Variants in SND1 observed in about 807,000 individuals in gnomAD.
SND1 encodes staphylococcal nuclease and tudor domain containing 1.
Under a neutral mutation model 121.7 loss-of-function variants are expected in SND1, and 38 were observed. That is an observed-to-expected ratio of 0.31 (90% CI 0.24 to 0.41). The LOEUF (loss-of-function observed/expected upper bound fraction) is 0.41. Among genes scored for constraint, SND1 ranks in the 10% least tolerant of loss-of-function variants. The probability of loss-of-function intolerance (pLI) is 1.00; values close to 1 mark genes in which losing one functional copy is unlikely to be tolerated. For synonymous variants in SND1, 401 were observed against 447.4 expected, an observed-to-expected ratio of 0.90 and a Z score of 1.31; for missense variants, 868 against 1,184.6, an observed-to-expected ratio of 0.73 and a Z score of 3.92.
intron 15 of SND1, among the ~76,000 whole-genome samples, chr7:127,954,295 C>T (rs2116859879): frequency 6.6e-6 from 1 of 152,298 alleles, no homozygotes; most frequent in African/African-American, 2.4e-5. Context: ...AAGATCTTAT[C>T]TGTGAAAATA....
intron 12 of SND1, among the ~76,000 whole-genome samples, chr7:127,884,006 A>G (rs747650360): frequency 1.1e-4 from 17 of 152,178 alleles, no homozygotes; most frequent in Non-Finnish European, 1.8e-4. Context: ...ACTTTGAACT[A>G]CATAGTTTTC....
At chr7:127,966,217 C>T (rs1305597882) in intron 15 of SND1, among the ~76,000 whole-genome samples, 1 of 151,746 alleles carries the variant, frequency 6.6e-6, no homozygotes, top group African/African-American at 2.4e-5. Context: ...TCCTGAGTGA[C>T]CTACAAAGAG....
rs1421292024 is a variant in SND1 at position 128,089,640 on chromosome 7, A to C, written c.2570A>C (p.Lys857Thr). ...SKGDVGLGLV[K>T]EGLVMVEVRK... ...GGCGATGTGGGGCTGGGCTTGGTGAAGGAAGGGCTGGTCATGGTGGAGGTG... is the reference window on the plus strand; with the variant it reads ...GGCGATGTGGGGCTGGGCTTGGTGACGGAAGGGCTGGTCATGGTGGAGGTG... Residue 857 changes from lysine (K) to threonine (T), a missense_variant, in exon 22 of 24, where the codon AAG becomes ACG. Lys to Thr is a moderately conservative substitution (Grantham distance 78, BLOSUM62 -1). Coordinates refer to ENST00000354725, the MANE Select transcript of SND1 (RefSeq NM_014390.4). The C allele has an allele frequency of 2.5e-6, 4 of 1,614,040 alleles. No homozygotes were observed. In the South Asian group the frequency reaches 4.4e-5, roughly 18 times the overall value.
intron 14 of SND1, among the ~76,000 whole-genome samples, chr7:127,925,029 C>G (rs1417303907): frequency 2.0e-5 from 3 of 152,190 alleles, no homozygotes; most frequent in African/African-American, 7.2e-5. Flanking sequence ...GATATAGATA[C>G]TAACATCCTT....
At chr7:127,748,295 G>T (rs1477239176) in intron 10 of SND1, among the ~76,000 whole-genome samples, 2 of 152,162 alleles carry the variant, frequency 1.3e-5, no homozygotes, top group Non-Finnish European at 1.5e-5. Context: ...CCCAGACTGG[G>T]TCTTTCACTT....
intron 16 of SND1, among the ~76,000 whole-genome samples, chr7:128,040,734 T>C (rs1792840728): frequency 6.6e-6 from 1 of 152,244 alleles, no homozygotes; most frequent in Admixed American, 6.5e-5. Context: ...CTGGGTTTCT[T>C]CTTGTATCTC....
intron 12 of SND1, among the ~76,000 whole-genome samples, chr7:127,886,013 C>T (rs976406652): frequency 2.6e-5 from 4 of 152,086 alleles, no homozygotes; most frequent in South Asian, 2.1e-4. Flanking sequence ...CATGTATCAA[C>T]ATCTACATCT....
intron 3 of SND1, among the ~76,000 whole-genome samples, chr7:127,697,180 C>G (rs1207905312): frequency 1.3e-5 from 2 of 152,208 alleles, no homozygotes; most frequent in African/African-American, 4.8e-5. Flanking sequence ...TGAATACTGT[C>G]TCCAGATGTG....
chr7:127,725,913 C>G (rs1313153065), intron 10 of SND1, among the ~76,000 whole-genome samples: 1 of 152,174 alleles, frequency 6.6e-6, no homozygotes, highest in Non-Finnish European at 1.5e-5. Context: ...ATGGGACTTT[C>G]CCTTCAAGGA....
intron 11 of SND1, among the ~76,000 whole-genome samples, chr7:127,833,561 A>G (rs1211436310): frequency 6.6e-6 from 1 of 152,038 alleles, no homozygotes; most frequent in African/African-American, 2.4e-5. Context: ...CACCACACCC[A>G]GCCTGAACTG....
chr7:128,025,575 C>G (rs975897603), intron 16 of SND1, among the ~76,000 whole-genome samples: 1 of 152,208 alleles, frequency 6.6e-6, no homozygotes, highest in Non-Finnish European at 1.5e-5. Flanking sequence ...AAACCTTGGC[C>G]TGGCCAAGGA....
chr7:127,891,896 A>T (rs572512904), intron 13 of SND1, among the ~76,000 whole-genome samples: 2 of 152,290 alleles, frequency 1.3e-5, no homozygotes, highest in East Asian at 3.9e-4. Flanking sequence ...GCAAAAGCCA[A>T]ATTCATAACA....
At chr7:127,756,743 T>G (rs1296109742) in intron 10 of SND1, among the ~76,000 whole-genome samples, 1 of 152,214 alleles carries the variant, frequency 6.6e-6, no homozygotes, top group Non-Finnish European at 1.5e-5. Context: ...ATGTACAGCT[T>G]CTTCATTTCT....
chr7:127,741,018 A>G (rs1331327171), intron 10 of SND1, among the ~76,000 whole-genome samples: 1 of 152,190 alleles, frequency 6.6e-6, no homozygotes, highest in African/African-American at 2.4e-5. Context: ...AATATTTCCC[A>G]TCTGGAAAGC....
intron 10 of SND1, among the ~76,000 whole-genome samples, chr7:127,754,319 A>T (rs555973510): frequency 6.6e-6 from 1 of 152,250 alleles, no homozygotes; most frequent in African/African-American, 2.4e-5. Context: ...ATGTTTTGTT[A>T]CTTTTTACTA....
intron 1 of SND1, among the ~76,000 whole-genome samples, chr7:127,653,085 G>A (rs1374829577): frequency 6.6e-6 from 1 of 152,200 alleles, no homozygotes; most frequent in Non-Finnish European, 1.5e-5. Flanking sequence ...AAGAAGGCAA[G>A]TGACTTGCTT....
rs187696809 is a variant in SND1, at chr7:127,969,401, G to A, written c.1670-21546G>A. ...TTTCTGATCCTGGCTCCATTCGCTC[G>A]TATACAAAATGAGAAAGTTATACAA... On this transcript the variant is annotated intron_variant, in intron 15 of 23. Coordinates refer to ENST00000354725, the MANE Select transcript of SND1 (RefSeq NM_014390.4). 2.0e-5 allele frequency among the ~76,000 whole-genome samples: 3 copies of A among 152,202 alleles called. No individual in the cohort carries two copies. In the East Asian group the frequency reaches 5.8e-4, roughly 29 times the overall value.
intron 7 of SND1, among the ~76,000 whole-genome samples, 153 bp from the exon 8 acceptor site, chr7:127,704,686 C>T (rs186305524): frequency 1.6e-4 from 24 of 152,202 alleles, no homozygotes; most frequent in Admixed American, 7.8e-4. Context: ...GGAGTGGTTT[C>T]GTAGTGAGAG....
Position 128,029,194 on chromosome 7 carries a change from A to T in SND1, c.1779+38138A>T. 6.2e-7 allele frequency: 1 copy of T among 1,614,068 alleles called. No homozygotes were observed. The stretch of plus-strand genomic sequence containing the variant: ...GTAGAGGTGGTATATGCCGGCTGGT[A>T]ACCAGTGGACGTGGTAGGAACAGGC... On this transcript the variant is annotated intron_variant, in intron 16 of 23. Coordinates refer to ENST00000354725, the MANE Select transcript of SND1 (RefSeq NM_014390.4). The surrounding 1 kb of genome is among the most constrained non-coding windows in gnomAD (Gnocchi z 4.2).
Sources: allele counts gnomAD v4.1 joint callset (sites outside exome capture counted in the v4.1 genomes callset), GRCh38; gene constraint gnomAD v4.1.1; non-coding constraint Gnocchi (gnomAD v3.1); transcripts MANE v1.5; gene names NCBI Gene and HGNC (gene_info 2026-07-23, HGNC 2026-07-21).